RIPOR2: variants seen among roughly 807,000 people sequenced by gnomAD.
RIPOR2 encodes the protein RHO family interacting cell polarization regulator 2, also known as rho family-interacting cell polarization regulator 2.
In RIPOR2, 39 loss-of-function variants were observed where a neutral mutation model predicts 114.5. The observed-to-expected ratio is 0.34, with a 90% CI of 0.26 to 0.44. The LOEUF (loss-of-function observed/expected upper bound fraction) is 0.44, where lower values mean the gene tolerates loss of function less well. Ranked by LOEUF, RIPOR2 falls within the 20% of genes least tolerant of loss-of-function variation. The pLI is 1.00. For missense variants in RIPOR2, 1,007 were observed against 1,255.1 expected (o/e 0.80, Z 2.99); for synonymous variants, 445 against 484.4 (o/e 0.92, Z 1.07).
chr6:24,837,123 A>AT (rs1761181797), intron 14 of RIPOR2, among the ~76,000 whole-genome samples: 3 of 152,008 alleles, frequency 2.0e-5, no homozygotes, highest in Admixed American at 2.0e-4. Flanking sequence ...AGAACAATTT[A>AT]TTTTTATTAT....
intron 1 of RIPOR2, among the ~76,000 whole-genome samples, chr6:24,987,549 T>C (rs1230842852): frequency 6.6e-6 from 1 of 152,160 alleles, no homozygotes; most frequent in Non-Finnish European, 1.5e-5. Context: ...TTAAATTATT[T>C]TGAAACACAT....
intron 8 of RIPOR2, among the ~76,000 whole-genome samples, chr6:24,855,840 C>A (rs1030440759): frequency 6.6e-6 from 1 of 152,098 alleles, no homozygotes; most frequent in South Asian, 2.1e-4. Flanking sequence ...TTGAGACCAA[C>A]CTGGGCAACA....
chr6:24,999,828 T>A (rs1042179275), intron 1 of RIPOR2, among the ~76,000 whole-genome samples: 3 of 152,156 alleles, frequency 2.0e-5, no homozygotes, highest in Non-Finnish European at 4.4e-5. Context: ...AGTGCTGGGA[T>A]TACAGGCATG....
intron 1 of RIPOR2, among the ~76,000 whole-genome samples, chr6:25,003,075 A>G (rs1185954600): frequency 1.3e-5 from 2 of 152,242 alleles, no homozygotes; most frequent in Admixed American, 1.3e-4. Context: ...CAGGTTTTAT[A>G]AAACATGTTT....
At position 25,031,714 on chromosome 6, in the gene RIPOR2, T is replaced by G. The variant is rs1370097658; in HGVS notation, c.76+10137A>C. ...TAGGTGGTAGTTATATATATATATA[T>G]ATATATATATATATATATATATATA... On this transcript the variant is annotated intron_variant, in intron 1 of 13. Coordinates refer to the RIPOR2 transcript ENST00000510784. 8.0e-3 allele frequency among the ~76,000 whole-genome samples: 531 copies of G among 66,496 alleles called. 6 individuals carry two copies. Among genetic ancestry groups the G allele is most frequent in the African/African-American group, 0.036 (490 of 13,770 alleles). The allele number at this position is 66,496 out of a possible 152,430, so 43.6% of individuals were successfully genotyped here. A position where few individuals can be genotyped will look rare whatever the true frequency, so the allele number is the denominator to read the frequency against.
intron 1 of RIPOR2, among the ~76,000 whole-genome samples, chr6:24,941,679 C>T (rs971406286): frequency 4.6e-5 from 7 of 152,182 alleles, no homozygotes; most frequent in South Asian, 4.1e-4. Context: ...CACAAAGCCT[C>T]TCCAATAAAG....
intron 1 of RIPOR2, among the ~76,000 whole-genome samples, chr6:24,994,798 G>C (rs1252315256): frequency 6.6e-6 from 1 of 152,074 alleles, no homozygotes; most frequent in Non-Finnish European, 1.5e-5. Flanking sequence ...ATCCTAATTT[G>C]GTCTACACTT....
chr6:24,926,957 TCTCA>T (rs2114127805), intron 1 of RIPOR2, among the ~76,000 whole-genome samples: 1 of 126,738 alleles, frequency 7.9e-6, no homozygotes, highest in South Asian at 2.8e-4. Context: ...ATAATCATCA[TCTCA>T]CTACCACCAC....
At chr6:24,971,645 G>T (rs1178946086) in intron 1 of RIPOR2, among the ~76,000 whole-genome samples, 1 of 152,214 alleles carries the variant, frequency 6.6e-6, no homozygotes, top group Non-Finnish European at 1.5e-5. Flanking sequence ...ATTGAGGAGG[G>T]TTCCCCTCAT....
chr6:24,939,645 A>C (rs1581843691), upstream of RIPOR2, among the ~76,000 whole-genome samples: 1 of 152,216 alleles, frequency 6.6e-6, no homozygotes, highest in East Asian at 1.9e-4. Context: ...AGATAGGGAA[A>C]TTCAGTGCTT....
intron 1 of RIPOR2, among the ~76,000 whole-genome samples, chr6:24,879,917 G>GCTTAAAACTAC (rs1453323500): frequency 1.7e-4 from 26 of 152,270 alleles, no homozygotes; most frequent in African/African-American, 5.5e-4. Context: ...AAATTTTTGG[G>GCTTAAAACTAC]TTTTAAAGGC....
intron 8 of RIPOR2, among the ~76,000 whole-genome samples, chr6:24,856,097 T>A (rs369097928): frequency 6.6e-6 from 1 of 152,006 alleles, no homozygotes; most frequent in Non-Finnish European, 1.5e-5. Flanking sequence ...ACCTGACTTA[T>A]AAACGTTGCG....
intron 19 of RIPOR2, among the ~76,000 whole-genome samples, chr6:24,822,215 A>T (rs1027858220): frequency 6.6e-6 from 1 of 152,260 alleles, no homozygotes; most frequent in Non-Finnish European, 1.5e-5. Flanking sequence ...TGGAGGTCAG[A>T]AACCAATCGA....
At chr6:24,984,848 T>C (rs1359670803) in intron 1 of RIPOR2, among the ~76,000 whole-genome samples, 1 of 152,170 alleles carries the variant, frequency 6.6e-6, no homozygotes, top group Non-Finnish European at 1.5e-5. Flanking sequence ...GTCCTCCCCT[T>C]TTCCCTGGTA....
intron 1 of RIPOR2, among the ~76,000 whole-genome samples, chr6:24,927,007 CCAT>C (rs370264901): frequency 0.023 from 88 of 3,862 alleles, 10 homozygotes; most frequent in East Asian, 0.14. Flanking sequence ...ATCACCACCA[CCAT>C]CACCACCACC....
chr6:24,902,084 A>G (rs1423169599), intron 1 of RIPOR2, among the ~76,000 whole-genome samples: 1 of 152,218 alleles, frequency 6.6e-6, no homozygotes, highest in Admixed American at 6.5e-5. Context: ...GCAGAAGAGA[A>G]GCGGTAGAAA....
At chr6:24,828,903 C>A (rs574312442) in intron 17 of RIPOR2, among the ~76,000 whole-genome samples, 1 of 152,126 alleles carries the variant, frequency 6.6e-6, no homozygotes, top group African/African-American at 2.4e-5. Context: ...TCTTGAACTT[C>A]ATGTAAATGG....
chr6:24,902,268 A>G (rs1245508526), intron 1 of RIPOR2, among the ~76,000 whole-genome samples: 1 of 149,374 alleles, frequency 6.7e-6, no homozygotes, highest in East Asian at 2.0e-4. Context: ...AGGCTGGAGT[A>G]CAGTGGCGCG....
chr6:24,848,204 C>T (rs376712010), intron 11 of RIPOR2, 50 bp from the exon 12 acceptor site: 1 of 1,593,912 alleles, frequency 6.3e-7, no homozygotes, highest in Non-Finnish European at 8.6e-7. Flanking sequence ...AATCACCTAT[C>T]ATCAACAGAC....
Sources: gnomAD v4.1 joint callset for allele counts (sites outside exome capture counted in the v4.1 genomes callset) on GRCh38, gnomAD v4.1.1 for gene constraint, MANE v1.5 for transcripts, NCBI Gene and HGNC (gene_info 2026-07-23, HGNC 2026-07-21) for gene names.